ABCA1: variants seen among roughly 807,000 people sequenced by gnomAD.
ABCA1 encodes the protein phospholipid-transporting ATPase ABCA1.
In ABCA1, 133 loss-of-function variants were observed where a neutral mutation model predicts 262.5. The observed-to-expected ratio is 0.51, with a 90% CI of 0.44 to 0.59. The LOEUF is 0.59. ABCA1 is among the 20% of genes least tolerant of loss of function. The pLI, the probability that ABCA1 is intolerant of heterozygous loss-of-function variation, is 0.00. For missense variants in ABCA1, 2,452 were observed against 2,777.5 expected, an observed-to-expected ratio of 0.88 and a Z score of 2.63; for synonymous variants, 1,022 against 1,043.5, an observed-to-expected ratio of 0.98 and a Z score of 0.40.
chr9:104,831,934 CCT>C, intron 12 of ABCA1, 107 bp from the exon 13 acceptor site: 1 of 1,040,050 alleles, frequency 9.6e-7, no homozygotes, highest in Non-Finnish European at 1.5e-6. Context: ...GATTGCTCAT[CCT>C]CTCTCTCTAA....
Position 104,821,286 on chromosome 9 carries a change from G to C in ABCA1, c.2960+89C>G, listed in dbSNP as rs1189248585. On this transcript the variant is annotated intron_variant, in intron 20 of 49. Coordinates refer to ENST00000374736, the MANE Select transcript of ABCA1 (RefSeq NM_005502.4). ...AAAGAAAAAACAAAAACACAGCAAAGTAAAATGCTTAAGTCCCACTCCTCC... is the reference window on the plus strand; with the variant it reads ...AAAGAAAAAACAAAAACACAGCAAACTAAAATGCTTAAGTCCCACTCCTCC... 1.9e-6 allele frequency: 3 copies of C among 1,538,780 alleles called. No homozygotes were observed. The African/African-American group carries it at 4.2e-5, about 21-fold the overall frequency.
chr9:104,794,225 C>T (rs561428031), intron 40 of ABCA1, among the ~76,000 whole-genome samples, 162 bp downstream of exon 40: 1 of 152,326 alleles, frequency 6.6e-6, no homozygotes, highest in East Asian at 1.9e-4. Flanking sequence ...AAAACCCATG[C>T]CACAACCAGC....
At chr9:104,793,526 T>G (rs1453135652) in intron 40 of ABCA1, among the ~76,000 whole-genome samples, 1 of 152,126 alleles carries the variant, frequency 6.6e-6, no homozygotes, top group South Asian at 2.1e-4. Context: ...AGAGCCAATG[T>G]GTATTCGATT....
rs938079616 is a variant in ABCA1, at chr9:104,799,423, C to T, written c.4943+396G>A. 4.1e-6 allele frequency: 4 copies of T among 977,156 alleles called. No individual in the cohort carries two copies. In the African/African-American group the frequency reaches 7.7e-5, roughly 19 times the overall value. The allele number at this position is 977,156 out of a possible 1,614,324, so 60.5% of individuals were successfully genotyped here. A position where few individuals can be genotyped will look rare whatever the true frequency, so the allele number is the denominator to read the frequency against. ...ACACACACACACACACACACACACA[C>T]ACACACACACACAGCTTAATTTAGG... On this transcript the variant is annotated intron_variant, in intron 36 of 49. Transcript: ENST00000374736.
At chr9:104,823,419 T>A (rs1033162886) in intron 18 of ABCA1, among the ~76,000 whole-genome samples, 1 of 152,242 alleles carries the variant, frequency 6.6e-6, no homozygotes, top group Non-Finnish European at 1.5e-5. Flanking sequence ...GATACTATTC[T>A]ACAGTTACAC....
chr9:104,876,899 G>A (rs67740686), intron 5 of ABCA1, among the ~76,000 whole-genome samples: 14,205 of 152,198 alleles, frequency 0.093, 745 homozygotes, highest in Middle Eastern at 0.19. Flanking sequence ...TGCAGGTGGG[G>A]GCCTGAGGCT....
chr9:104,921,798 A>C (rs1481725890), intron 1 of ABCA1, among the ~76,000 whole-genome samples: 2 of 152,234 alleles, frequency 1.3e-5, no homozygotes, highest in East Asian at 3.8e-4. Flanking sequence ...AATTAAGGCC[A>C]GGGGAGAATG....
At chr9:104,813,621 C>G (rs1831473426) in intron 27 of ABCA1, among the ~76,000 whole-genome samples, 1 of 152,172 alleles carries the variant, frequency 6.6e-6, no homozygotes. Context: ...CCTTGTTGGT[C>G]AGACTGGTCT....
At chr9:104,803,203 C>A (rs1830487717) in intron 33 of ABCA1, 81 bp downstream of exon 33, 3 of 1,500,348 alleles carry the variant, frequency 2.0e-6, no homozygotes, top group Admixed American at 1.7e-5. Context: ...GACAAACAAT[C>A]CCCAAGGCTT....
intron 3 of ABCA1, among the ~76,000 whole-genome samples, chr9:104,886,673 C>T (rs964066917): frequency 1.3e-5 from 2 of 152,200 alleles, no homozygotes; most frequent in Non-Finnish European, 2.9e-5. Flanking sequence ...CAGGTTATCC[C>T]TTAGCAGGGG....
intron 5 of ABCA1, among the ~76,000 whole-genome samples, chr9:104,864,703 C>T (rs1238783433): frequency 6.6e-6 from 1 of 152,040 alleles, no homozygotes; most frequent in Non-Finnish European, 1.5e-5. Flanking sequence ...TCATATTGCA[C>T]CAGGGAACTT....
intron 5 of ABCA1, among the ~76,000 whole-genome samples, chr9:104,869,686 GGT>G (rs1219354911): frequency 6.6e-6 from 1 of 151,980 alleles, no homozygotes; most frequent in Non-Finnish European, 1.5e-5. Context: ...GTAGGCCAGG[GGT>G]GTGTGGTACA....
chr9:104,817,336 G>A lies in ABCA1; in HGVS notation c.3531C>T (p.Thr1177=). 2 of 1,614,114 alleles carry A rather than the reference G, an allele frequency of 1.2e-6. No individual in the cohort carries two copies. The highest frequency in any genetic ancestry group is 1.7e-6 in the Non-Finnish European group (2 of 1,180,018). ...LGSDHESDTL[T]IDVSAISNLI... ...AAGAAACCCCAGAGTCCTTACCGATGGTCAGCGTGTCACTCTCATGGTCGC... is the reference window on the plus strand; with the variant it reads ...AAGAAACCCCAGAGTCCTTACCGATAGTCAGCGTGTCACTCTCATGGTCGC... The change falls in exon 24 of 50, where the codon ACC becomes ACT. Residue 1177 remains threonine (T), a synonymous_variant. Coordinates refer to ENST00000374736, the MANE Select transcript of ABCA1 (RefSeq NM_005502.4). The surrounding 1 kb of genome is among the most constrained non-coding windows in gnomAD (Gnocchi z 4.7).
At chr9:104,792,072 GA>G in intron 42 of ABCA1, 74 bp from the exon 43 acceptor site, 1 of 1,359,392 alleles carries the variant, frequency 7.4e-7, no homozygotes, top group Non-Finnish European at 1.0e-6. Context: ...TGGAAGGCAG[GA>G]CTATAAACCA....
At chr9:104,824,613 C>T in intron 17 of ABCA1, 35 bp from the exon 18 acceptor site, 1 of 1,609,662 alleles carries the variant, frequency 6.2e-7, no homozygotes, top group Non-Finnish European at 8.5e-7. Flanking sequence ...CCAAGCTCAG[C>T]ATCATCCCAG....
chr9:104,894,866 T>G (rs970768895), intron 2 of ABCA1, among the ~76,000 whole-genome samples: 2 of 152,246 alleles, frequency 1.3e-5, no homozygotes, highest in Non-Finnish European at 2.9e-5. Flanking sequence ...CCTTTTATCT[T>G]GGACCTCTAA....
At chr9:104,913,463 G>A (rs1391375239) in intron 1 of ABCA1, among the ~76,000 whole-genome samples, 1 of 152,174 alleles carries the variant, frequency 6.6e-6, no homozygotes, top group Non-Finnish European at 1.5e-5. Context: ...CTATTACCAT[G>A]ATTAATTCTG....
At chr9:104,876,260 A>T (rs2119153353) in intron 5 of ABCA1, among the ~76,000 whole-genome samples, 1 of 152,230 alleles carries the variant, frequency 6.6e-6, no homozygotes, top group East Asian at 1.9e-4. Flanking sequence ...TGGGGGATGT[A>T]GCAGTGGACA....
intron 13 of ABCA1, 48 bp from the exon 14 acceptor site, chr9:104,831,149 T>TAAAAAAA (rs34121951): frequency 8.2e-5 from 76 of 926,124 alleles, no homozygotes; most frequent in East Asian, 7.9e-4. Context: ...AACCATACAA[T>TAAAAAAA]AAAAAAAAAA....
Sources: allele counts gnomAD v4.1 joint callset (sites outside exome capture counted in the v4.1 genomes callset), GRCh38; gene constraint gnomAD v4.1.1; non-coding constraint Gnocchi (gnomAD v3.1); transcripts MANE v1.5; gene names NCBI Gene and HGNC (gene_info 2026-07-23, HGNC 2026-07-21).